The following WDR17 variants were observed in gnomAD, a reference collection of about 807,000 sequenced individuals.
WDR17 encodes the protein WD repeat domain 17.
In WDR17, 143 loss-of-function variants were observed where a neutral mutation model predicts 161.7. That is an observed-to-expected ratio of 0.88 (90% CI 0.77 to 1.02). The LOEUF is 1.02. Among genes scored for constraint, WDR17 ranks in the 50% least tolerant of loss-of-function variants. WDR17 has a pLI of 0.00. For synonymous variants in WDR17, 517 were observed against 515.6 expected (o/e 1.00, Z -0.04); for missense variants, 1,469 against 1,520.9 (o/e 0.97, Z 0.57).
chr4:176,149,817 C>T lies in WDR17; in HGVS notation c.1908C>T (p.Cys636=). ...TTTTATTTTCATCAGGTTTAACCTG[C>T]CATCCCAGTCGCCCCTTCACTATGG... ...DHGADVYGLT[C]HPSRPFTMAS... is the part of the protein sequence containing the mutation. The change falls in exon 14 of 29, where the codon TGC becomes TGT. Residue 636 remains cysteine, a synonymous_variant. Coordinates refer to ENST00000508596, the MANE Select transcript of WDR17 (RefSeq NM_181265.4). 1 of 1,612,396 alleles carries T rather than the reference C, an allele frequency of 6.2e-7. No homozygotes were observed. Among genetic ancestry groups the T allele is most frequent in the South Asian group, 1.1e-5 (1 of 90,414 alleles).
intron 7 of WDR17, among the ~76,000 whole-genome samples, chr4:176,134,802 T>C (rs1744129543): frequency 6.6e-6 from 1 of 151,656 alleles, no homozygotes; most frequent in East Asian, 1.9e-4. Flanking sequence ...TTAATAAAAA[T>C]AGAAAATATC....
At position 176,135,239 on chromosome 4, in the gene WDR17, T is replaced by A. The variant is rs186067857; in HGVS notation, c.1230T>A (p.Gly410=). 3 of 1,612,146 alleles carry A rather than the reference T, an allele frequency of 1.9e-6. No individual in the cohort carries two copies. Among genetic ancestry groups the A allele is most frequent in the East Asian group, 4.5e-5 (2 of 44,784 alleles). Residue 410 remains glycine, a synonymous_variant, in exon 8 of 29, where the codon GGT becomes GGA. Coordinates refer to ENST00000508596, the MANE Select transcript of WDR17 (RefSeq NM_181265.4). The stretch of plus-strand genomic sequence containing the variant: ...TAACAGCAGTGTACACATCCCCGGG[T>A]AATGAAGGTGTTATTTATTCCCTTT... The part of the protein sequence containing the change: ...NTLTAVYTSP[G]NEGVIYSLSW...
At chr4:176,115,439 A>C (rs1359249424) in intron 2 of WDR17, among the ~76,000 whole-genome samples, 1 of 152,024 alleles carries the variant, frequency 6.6e-6, no homozygotes, top group Non-Finnish European at 1.5e-5. Flanking sequence ...TAAGTGAAAA[A>C]TTGCAGAAAA....
At chr4:176,091,772 G>A (rs1736153497) in intron 1 of WDR17, among the ~76,000 whole-genome samples, 2 of 151,872 alleles carry the variant, frequency 1.3e-5, no homozygotes, top group South Asian at 2.1e-4. Flanking sequence ...TAAATTCAGA[G>A]ATGAAAAAAG....
chr4:176,157,240 C>G (rs1231155705), intron 18 of WDR17, among the ~76,000 whole-genome samples: 1 of 152,050 alleles, frequency 6.6e-6, no homozygotes, highest in Non-Finnish European at 1.5e-5. Flanking sequence ...TTATAGAGTA[C>G]TATATATTAT....
At chr4:176,128,284 A>C (rs1396468763) in intron 5 of WDR17, among the ~76,000 whole-genome samples, 1 of 152,206 alleles carries the variant, frequency 6.6e-6, no homozygotes, top group African/African-American at 2.4e-5. Context: ...AGGAGACTGT[A>C]ATTGGTCTTC....
Position 176,182,062 on chromosome 4 carries a change from A to C in WDR17, c.*2483A>C, listed in dbSNP as rs1049306284. On this transcript the variant is annotated 3_prime_UTR_variant, in exon 29 of 29. Coordinates refer to ENST00000508596, the MANE Select transcript of WDR17 (RefSeq NM_181265.4). This position sits in a 1 kb window ranked among gnomAD's most constrained non-coding sequence, Gnocchi z 4.2. ...AAAAACAAATTTTTTAATTCATAAA[A>C]GTATTTTTATTAGATTTCATATGCA... 6.6e-6 allele frequency: 1 copy of C among 152,100 alleles called. No homozygotes were observed. The highest frequency in any genetic ancestry group is 2.4e-5 in the African/African-American group (1 of 41,460). 9.4% of individuals were successfully genotyped at this position (152,100 alleles called of 1,614,324 possible).
chr4:176,072,638 T>G (rs1196824746), intron 1 of WDR17, among the ~76,000 whole-genome samples: 1 of 152,216 alleles, frequency 6.6e-6, no homozygotes, highest in Non-Finnish European at 1.5e-5. Context: ...TCCTTTCATT[T>G]TTCTGCATTT....
chr4:176,090,048 C>T (rs548839246), intron 1 of WDR17, among the ~76,000 whole-genome samples: 49 of 152,096 alleles, frequency 3.2e-4, no homozygotes, highest in African/African-American at 1.1e-3. Flanking sequence ...TATACTTTTG[C>T]TTATGGAGGA....
chr4:176,076,411 T>TTC (rs1459009462), intron 1 of WDR17, among the ~76,000 whole-genome samples: 1 of 148,760 alleles, frequency 6.7e-6, no homozygotes, highest in Admixed American at 6.7e-5. Context: ...GTTGTTGGTT[T>TTC]TTTTTTTTTT....
chr4:176,158,897 T>C (rs772298353), intron 18 of WDR17, among the ~76,000 whole-genome samples: 1 of 152,224 alleles, frequency 6.6e-6, no homozygotes, highest in Non-Finnish European at 1.5e-5. Flanking sequence ...CTCTCAATCA[T>C]AGTTTCAAAT....
At chr4:176,069,923 A>G (rs923530782) in intron 1 of WDR17, among the ~76,000 whole-genome samples, 7 of 152,196 alleles carry the variant, frequency 4.6e-5, no homozygotes, top group African/African-American at 1.7e-4. Context: ...CTTTAAGATA[A>G]AACATTATGG....
At chr4:176,091,516 G>A (rs1736119275) in intron 1 of WDR17, among the ~76,000 whole-genome samples, 1 of 151,992 alleles carries the variant, frequency 6.6e-6, no homozygotes, top group Non-Finnish European at 1.5e-5. Context: ...AACATTTACA[G>A]CAATAAATGC....
intron 1 of WDR17, among the ~76,000 whole-genome samples, chr4:176,099,852 C>G (rs1003831347): frequency 6.6e-6 from 1 of 152,038 alleles, no homozygotes. Context: ...ATGTGACTCT[C>G]TGTGCATGGC....
intron 7 of WDR17, among the ~76,000 whole-genome samples, chr4:176,133,277 AGAAGAAG>A (rs1743839050): frequency 1.2e-5 from 1 of 81,138 alleles, no homozygotes; most frequent in African/African-American, 4.9e-5. Context: ...AAAAAAAAGA[AGAAGAAG>A]AAGAAAAGAG....
chr4:176,076,250 TATATAC>T (rs1361132486), intron 1 of WDR17, among the ~76,000 whole-genome samples: 34 of 64,680 alleles, frequency 5.3e-4, no homozygotes, highest in African/African-American at 1.4e-3. Context: ...TATATATATA[TATATAC>T]ACACACACAC....
intron 5 of WDR17, among the ~76,000 whole-genome samples, chr4:176,128,373 T>A (rs1473609937): frequency 1.3e-5 from 2 of 151,868 alleles, no homozygotes; most frequent in African/African-American, 4.8e-5. Flanking sequence ...GAAAGATTGA[T>A]TATTTAAGGT....
chr4:176,166,472 T>C (rs1002251910), intron 22 of WDR17, among the ~76,000 whole-genome samples: 1 of 152,162 alleles, frequency 6.6e-6, no homozygotes, highest in African/African-American at 2.4e-5. Context: ...GATCATTCAA[T>C]TGGTCTATAT....
chr4:176,120,343 T>C (rs1338140770), intron 4 of WDR17, among the ~76,000 whole-genome samples: 7 of 148,676 alleles, frequency 4.7e-5, no homozygotes, highest in Non-Finnish European at 8.9e-5. Context: ...CAGCTGTGAA[T>C]ATTTTACTTG....
Sources: allele counts gnomAD v4.1 joint callset (sites outside exome capture counted in the v4.1 genomes callset), GRCh38; gene constraint gnomAD v4.1.1; non-coding constraint Gnocchi (gnomAD v3.1); transcripts MANE v1.5; gene names NCBI Gene and HGNC (gene_info 2026-07-23, HGNC 2026-07-21).